OTUD6B: variants seen among roughly 807,000 people sequenced by gnomAD.
OTUD6B encodes OTU deubiquitinase 6B, also known as deubiquitinase OTUD6B.
Under a neutral mutation model 36.9 loss-of-function variants are expected in OTUD6B, and 41 were observed. The ratio of observed to expected loss-of-function variants is 1.11; its 90% CI spans 0.87 to 1.44. The LOEUF (loss-of-function observed/expected upper bound fraction) is 1.44, where lower values mean the gene tolerates loss of function less well. OTUD6B is among the 40% of genes most tolerant of loss of function. OTUD6B has a pLI of 0.00. For synonymous variants in OTUD6B, 114 were observed against 114.2 expected (o/e 1.00, Z 0.01); for missense variants, 356 against 344.8 (o/e 1.03, Z -0.26).
At chr8:91,076,638 T>G (rs1346045433) in intron 3 of OTUD6B, 1 of 1,528,976 alleles carries the variant, frequency 6.5e-7, no homozygotes, top group African/African-American at 1.4e-5. Context: ...GTCCCTGCTC[T>G]GCTCTTACCA....
Sources: gnomAD v4.1 joint callset for allele counts on GRCh38, gnomAD v4.1.1 for gene constraint, MANE v1.5 for transcripts, NCBI Gene and HGNC (gene_info 2026-07-23, HGNC 2026-07-21) for gene names.